RBFOX1: variants seen among roughly 807,000 people sequenced by gnomAD.
RBFOX1 encodes RNA binding protein fox-1 homolog 1.
RBFOX1 carries 8 observed loss-of-function variants against 57.7 expected under a neutral mutation model. The observed-to-expected ratio is 0.14, with a 90% confidence interval of 0.08 to 0.25. The LOEUF (loss-of-function observed/expected upper bound fraction) is 0.25, where lower values mean the gene tolerates loss of function less well. Among genes scored for constraint, RBFOX1 ranks in the 10% least tolerant of loss-of-function variants. The pLI, the probability that RBFOX1 is intolerant of heterozygous loss-of-function variation, is 1.00. For missense variants in RBFOX1, 611 were observed against 548.5 expected (o/e 1.11, Z -1.14); for synonymous variants, 326 against 222.4 (o/e 1.47, Z -4.15).
intron 3 of RBFOX1, among the ~76,000 whole-genome samples, chr16:6,685,776 C>G (rs991664766): frequency 6.6e-6 from 1 of 152,100 alleles, no homozygotes; most frequent in Non-Finnish European, 1.5e-5. Context: ...CCTCCAAGCA[C>G]CTGAAATTTT....
At chr16:5,787,241 C>G (rs1300741498) in intron 3 of RBFOX1, among the ~76,000 whole-genome samples, 1 of 152,160 alleles carries the variant, frequency 6.6e-6, no homozygotes, top group African/African-American at 2.4e-5. Context: ...AACAGGTGAG[C>G]ACACCAAGGA....
intron 2 of RBFOX1, among the ~76,000 whole-genome samples, chr16:6,320,476 C>T (rs192592966): frequency 3.6e-4 from 55 of 151,806 alleles, no homozygotes; most frequent in African/African-American, 1.3e-3. Flanking sequence ...CACCTGTACC[C>T]CTAAAAGTAT....
intron 1 of RBFOX1, among the ~76,000 whole-genome samples, chr16:5,357,968 G>A (rs1261347348): frequency 6.6e-6 from 1 of 152,178 alleles, no homozygotes; most frequent in Non-Finnish European, 1.5e-5. Context: ...GACTTTATTA[G>A]TTTCCTAGAG....
intron 3 of RBFOX1, among the ~76,000 whole-genome samples, chr16:5,629,321 C>T (rs1291699157): frequency 6.6e-6 from 1 of 152,160 alleles, no homozygotes; most frequent in Non-Finnish European, 1.5e-5. Flanking sequence ...GCTAGTCGCT[C>T]AGAATGGATA....
At chr16:5,508,016 T>A (rs1263265840) in intron 2 of RBFOX1, among the ~76,000 whole-genome samples, 1 of 152,070 alleles carries the variant, frequency 6.6e-6, no homozygotes. Context: ...GAGCAAGGTG[T>A]CCCATCAGGA....
intron 3 of RBFOX1, among the ~76,000 whole-genome samples, chr16:5,752,231 G>A (rs1017139730): frequency 4.6e-5 from 7 of 152,142 alleles, no homozygotes; most frequent in African/African-American, 1.7e-4. Context: ...TGAGAACACA[G>A]GGACACATAG....
chr16:6,100,363 C>T (rs2096290309), intron 1 of RBFOX1, among the ~76,000 whole-genome samples: 1 of 152,150 alleles, frequency 6.6e-6, no homozygotes, highest in Non-Finnish European at 1.5e-5. Flanking sequence ...GGGGTTTCAC[C>T]ATGTTAGCCA....
chr16:7,287,463 G>A (rs1261296428), intron 4 of RBFOX1, among the ~76,000 whole-genome samples: 1 of 152,202 alleles, frequency 6.6e-6, no homozygotes, highest in Non-Finnish European at 1.5e-5. Context: ...CAGCGAGTAG[G>A]TGCAAGCTGA....
chr16:5,675,748 T>C (rs916879232), intron 3 of RBFOX1, among the ~76,000 whole-genome samples: 2 of 152,120 alleles, frequency 1.3e-5, no homozygotes, highest in African/African-American at 4.8e-5. Context: ...GTTCTAGTCA[T>C]CCACTCTCCT....
At chr16:5,692,756 A>G (rs535249854) in intron 3 of RBFOX1, among the ~76,000 whole-genome samples, 13 of 152,146 alleles carry the variant, frequency 8.5e-5, no homozygotes, top group Non-Finnish European at 1.8e-4. Flanking sequence ...TGCCGGGATC[A>G]TCAGGACACA....
chr16:6,197,091 A>G (rs2097184444), intron 1 of RBFOX1, among the ~76,000 whole-genome samples: 1 of 152,224 alleles, frequency 6.6e-6, no homozygotes, highest in Non-Finnish European at 1.5e-5. Flanking sequence ...TGATTTAAGG[A>G]CAAATAGAAA....
intron 3 of RBFOX1, among the ~76,000 whole-genome samples, chr16:7,042,074 G>A (rs909663366): frequency 6.6e-6 from 1 of 152,160 alleles, no homozygotes; most frequent in Non-Finnish European, 1.5e-5. Flanking sequence ...CCAGTGCTTT[G>A]ATATCAGAGA....
intron 3 of RBFOX1, among the ~76,000 whole-genome samples, chr16:6,977,668 A>C (rs1262990651): frequency 6.6e-6 from 1 of 152,150 alleles, no homozygotes; most frequent in South Asian, 2.1e-4. Flanking sequence ...GCACTAACCG[A>C]GTGCCAAGCA....
At chr16:6,953,278 G>A (rs114507606) in intron 3 of RBFOX1, among the ~76,000 whole-genome samples, 17 of 152,120 alleles carry the variant, frequency 1.1e-4, no homozygotes, top group South Asian at 2.1e-4. Flanking sequence ...CATATACACC[G>A]AAATAAGGCA....
chr16:7,032,536 T>C (rs1190298269), intron 3 of RBFOX1, among the ~76,000 whole-genome samples: 3 of 152,154 alleles, frequency 2.0e-5, no homozygotes, highest in African/African-American at 4.8e-5. Flanking sequence ...AAATTACAGA[T>C]CAGCTAAATC....
In RBFOX1 at chr16:6,808,160, ATG is replaced by A. The variant is rs373756020; in HGVS notation, c.-16+153528_-16+153529del. Among the ~76,000 whole-genome samples the A allele has an allele frequency of 1.0e-3, 142 of 140,104 alleles. 3 individuals are homozygous for A. In the East Asian group the frequency reaches 0.015, roughly 15 times the overall value. 91.9% of individuals were successfully genotyped at this position (140,104 alleles called of 152,430 possible). On this transcript the variant is annotated intron_variant, in intron 3 of 15. Transcript: ENST00000550418. ...ATAATATGCATATTATACCTTATAT[ATG>A]TGTGTGTGTGTGTGTGTATATATAT...
intron 3 of RBFOX1, among the ~76,000 whole-genome samples, chr16:6,864,242 A>T (rs1467635834): frequency 2.6e-5 from 4 of 152,172 alleles, no homozygotes; most frequent in Non-Finnish European, 5.9e-5. Context: ...TTCTTCTCAA[A>T]GCATAACTCT....
At chr16:5,975,585 G>A (rs1295318569) in intron 4 of RBFOX1, among the ~76,000 whole-genome samples, 1 of 152,148 alleles carries the variant, frequency 6.6e-6, no homozygotes, top group Non-Finnish European at 1.5e-5. Context: ...TCCTGAACCA[G>A]TGTATTCATC....
rs187707192 is a variant in RBFOX1, at chr16:6,542,291, C to T, written c.-63-112312C>T. Reference sequence around the variant, plus strand: ...TCCTGACCAGAGGTCAGATACTTATCTGTTTCTTTTCTCTTTCTTGAGTAG... The same window carrying T: ...TCCTGACCAGAGGTCAGATACTTATTTGTTTCTTTTCTCTTTCTTGAGTAG... On this transcript the variant is annotated intron_variant, in intron 2 of 15. Transcript: ENST00000550418. Among the ~76,000 whole-genome samples the T allele has an allele frequency of 2.8e-3, 425 of 151,982 alleles. 1 individual carries two copies. Among genetic ancestry groups the T allele is most frequent in the Middle Eastern group, 0.017 (5 of 292 alleles).
Sources: allele counts gnomAD v4.1 joint callset (sites outside exome capture counted in the v4.1 genomes callset), GRCh38; gene constraint gnomAD v4.1.1; transcripts MANE v1.5; gene names NCBI Gene and HGNC (gene_info 2026-07-23, HGNC 2026-07-21).